Variants in GPC6 observed in about 807,000 individuals in gnomAD.
GPC6 encodes the protein glypican-6.
GPC6 carries 14 observed loss-of-function variants against 55.2 expected under a neutral mutation model. That is an observed-to-expected ratio of 0.25 (90% CI 0.17 to 0.40). The LOEUF is 0.40. GPC6 is among the 10% of genes least tolerant of loss of function. The probability of loss-of-function intolerance (pLI) is 1.00; values close to 1 mark genes in which losing one functional copy is unlikely to be tolerated. For synonymous variants in GPC6, 278 were observed against 259.6 expected (o/e 1.07, Z -0.68); for missense variants, 641 against 708.5 (o/e 0.90, Z 1.08).
rs1007024508 is a variant in GPC6, at chr13:94,038,850, G to A, written c.877+10956G>A. On this transcript the variant is annotated intron_variant, in intron 4 of 8. Transcript: ENST00000377047. ...GACACCAGAAACATGTAAGCCAAAC[G>A]CATAATAAGGGCAACCTGGAAACCA... 9.9e-5 allele frequency among the ~76,000 whole-genome samples: 15 copies of A among 151,858 alleles called. 1 individual carries two copies. The highest frequency in any genetic ancestry group is 6.3e-3 in the Middle Eastern group (2 of 316).
At chr13:93,947,708 A>G (rs1340714523) in intron 3 of GPC6, among the ~76,000 whole-genome samples, 2 of 152,130 alleles carry the variant, frequency 1.3e-5, no homozygotes, top group African/African-American at 4.8e-5. Flanking sequence ...TCCCCGTACA[A>G]AAGTGGTTTC....
Position 94,027,807 on chromosome 13 carries a change from A to G in GPC6, c.790A>G (p.Arg264Gly), listed in dbSNP as rs765795351. 9.9e-6 allele frequency: 16 copies of G among 1,613,994 alleles called. No individual in the cohort carries two copies. In the South Asian group the frequency reaches 1.8e-4, roughly 18 times the overall value. ...CPYCRGLPTV[R>G]PCNNYCLNVM... The stretch of plus-strand genomic sequence containing the variant: ...ATACTGTCGGGGGCTTCCCACTGTG[A>G]GGCCCTGCAACAACTACTGTCTCAA... The change falls in exon 4 of 9, where the codon AGG becomes GGG. Residue 264 changes from arginine (R) to glycine (G), a missense_variant. Transcript: ENST00000377047.
chr13:93,801,832 T>G (rs1215760274), intron 2 of GPC6, among the ~76,000 whole-genome samples: 1 of 152,190 alleles, frequency 6.6e-6, no homozygotes, highest in Non-Finnish European at 1.5e-5. Context: ...TTCCCTGACT[T>G]CCTTGTAAGT....
chr13:93,248,385 G>GA (rs536561744), intron 1 of GPC6, among the ~76,000 whole-genome samples: 30,438 of 129,898 alleles, frequency 0.23, 3,326 homozygotes, highest in Middle Eastern at 0.32. Flanking sequence ...TCTTATGTTT[G>GA]AAAAAAAAAA....
intron 1 of GPC6, among the ~76,000 whole-genome samples, chr13:93,354,619 C>T (rs576582206): frequency 6.6e-6 from 1 of 151,770 alleles, no homozygotes; most frequent in East Asian, 2.0e-4. Flanking sequence ...CCGCCTCGGC[C>T]TCCCAAAGTG....
Position 94,104,580 on chromosome 13 carries a change from A to T in GPC6, c.877+76686A>T, listed in dbSNP as rs570700734. ...TATATCTAGAAAACCCCATCGTCTC[A>T]GCCCAAAATCTTAAGCTGATAAACA... On this transcript the variant is annotated intron_variant, in intron 4 of 8. Coordinates refer to ENST00000377047, the MANE Select transcript of GPC6 (RefSeq NM_005708.5). 8.7e-4 allele frequency among the ~76,000 whole-genome samples: 133 copies of T among 152,338 alleles called. 1 individual carries two copies. The highest frequency in any genetic ancestry group is 3.1e-3 in the African/African-American group (128 of 41,588).
intron 2 of GPC6, among the ~76,000 whole-genome samples, chr13:93,794,193 A>G (rs984512696): frequency 1.3e-5 from 2 of 152,246 alleles, no homozygotes; most frequent in African/African-American, 4.8e-5. Flanking sequence ...TCAAAGAGAA[A>G]TAGCATTTTT....
intron 1 of GPC6, among the ~76,000 whole-genome samples, chr13:93,508,133 A>G (rs531863031): frequency 2.6e-5 from 4 of 152,326 alleles, no homozygotes; most frequent in African/African-American, 9.6e-5. Context: ...AAAACTAAGC[A>G]GGGTAAAGGG....
chr13:93,294,728 C>T (rs1878426124), intron 1 of GPC6, among the ~76,000 whole-genome samples: 1 of 152,156 alleles, frequency 6.6e-6, no homozygotes, highest in Non-Finnish European at 1.5e-5. Context: ...GTTTTGTCCT[C>T]TTTCACACCC....
At chr13:93,526,254 A>G (rs1881641873) in intron 1 of GPC6, among the ~76,000 whole-genome samples, 1 of 152,090 alleles carries the variant, frequency 6.6e-6, no homozygotes. Context: ...AATGAACACT[A>G]TAATAGATGC....
intron 1 of GPC6, among the ~76,000 whole-genome samples, chr13:93,484,917 G>GTTA (rs1195176396): frequency 6.6e-6 from 1 of 152,114 alleles, no homozygotes; most frequent in Non-Finnish European, 1.5e-5. Flanking sequence ...AATTTGTAGA[G>GTTA]TTATTCTTCA....
At chr13:93,369,494 T>C (rs1881375910) in intron 1 of GPC6, among the ~76,000 whole-genome samples, 1 of 152,152 alleles carries the variant, frequency 6.6e-6, no homozygotes, top group African/African-American at 2.4e-5. Context: ...GTTTTATTGC[T>C]TTTCAAAAGC....
chr13:94,018,499 C>G (rs1255653640), intron 3 of GPC6, among the ~76,000 whole-genome samples: 1 of 152,042 alleles, frequency 6.6e-6, no homozygotes, highest in Non-Finnish European at 1.5e-5. Flanking sequence ...CCATGTTGGC[C>G]AGGCTGGTCT....
intron 1 of GPC6, among the ~76,000 whole-genome samples, chr13:93,415,806 T>G (rs113011569): frequency 7.1e-4 from 108 of 152,258 alleles, no homozygotes; most frequent in African/African-American, 2.6e-3. Context: ...CCTAGCTGTA[T>G]CTTTTTCCAA....
chr13:94,270,431 G>C (rs1891954852), intron 4 of GPC6, among the ~76,000 whole-genome samples: 1 of 152,180 alleles, frequency 6.6e-6, no homozygotes, highest in South Asian at 2.1e-4. Context: ...ATAATGAGGG[G>C]AGTATCTAAC....
chr13:93,241,144 C>T (rs567972327), intron 1 of GPC6, among the ~76,000 whole-genome samples: 8 of 152,250 alleles, frequency 5.3e-5, no homozygotes, highest in African/African-American at 1.7e-4. Context: ...ATGAATCTCC[C>T]AGAGTTCTTT....
At chr13:93,492,537 G>A (rs111694672) in intron 1 of GPC6, among the ~76,000 whole-genome samples, 2 of 144,052 alleles carry the variant, frequency 1.4e-5, no homozygotes, top group African/African-American at 2.6e-5. Context: ...TGATTGCCCC[G>A]GCCAGAACTT....
rs1398513530 is a variant in GPC6 at position 93,226,913 on chromosome 13, C to T, written c.-544C>T. 4 of 152,690 alleles carry T rather than the reference C, an allele frequency of 2.6e-5. No homozygotes were observed. Among genetic ancestry groups the T allele is most frequent in the Admixed American group, 2.0e-4 (3 of 15,272 alleles). The allele number at this position is 152,690 out of a possible 1,614,324, so 9.5% of individuals were successfully genotyped here. On this transcript the variant is annotated 5_prime_UTR_variant, in exon 1 of 9. Transcript: ENST00000377047. ...ACAGCCTGTGTTAAGCTGAGGTTTCCCCTAGATCTCGTATATCCCCAACAC... is the reference window on the plus strand; with the variant it reads ...ACAGCCTGTGTTAAGCTGAGGTTTCTCCTAGATCTCGTATATCCCCAACAC...
chr13:93,799,138 C>T (rs1186880817), intron 2 of GPC6, among the ~76,000 whole-genome samples: 1 of 152,050 alleles, frequency 6.6e-6, no homozygotes, highest in Non-Finnish European at 1.5e-5. Flanking sequence ...GCAAAAGTAA[C>T]TGCAAATGTT....
Sources: gnomAD v4.1 joint callset for allele counts (sites outside exome capture counted in the v4.1 genomes callset) on GRCh38, gnomAD v4.1.1 for gene constraint, MANE v1.5 for transcripts, NCBI Gene and HGNC (gene_info 2026-07-23, HGNC 2026-07-21) for gene names.